ETFA: variants seen among roughly 807,000 people sequenced by gnomAD.
ETFA encodes the protein electron transfer flavoprotein subunit alpha.
In ETFA, 22 loss-of-function variants were observed where a neutral mutation model predicts 46.2. That is an observed-to-expected ratio of 0.48 (90% CI 0.34 to 0.68). The LOEUF (loss-of-function observed/expected upper bound fraction) is 0.68. Among genes scored for constraint, ETFA ranks in the 30% least tolerant of loss-of-function variants. The pLI is 0.01. For synonymous variants in ETFA, 131 were observed against 139.9 expected (o/e 0.94, Z 0.45); for missense variants, 345 against 401.1 (o/e 0.86, Z 1.19).
chr15:76,305,533 T>C (rs1222777851), intron 1 of ETFA, among the ~76,000 whole-genome samples: 1 of 152,224 alleles, frequency 6.6e-6, no homozygotes, highest in Non-Finnish European at 1.5e-5. Flanking sequence ...TAGACTTGGT[T>C]GCAAATAGCA....
intron 8 of ETFA, among the ~76,000 whole-genome samples, chr15:76,277,857 C>T (rs192594737): frequency 1.6e-4 from 25 of 152,246 alleles, no homozygotes; most frequent in Admixed American, 1.5e-3. Context: ...GACTTCAAGT[C>T]CCCCTACCCC....
chr15:76,284,423 G>A (rs1260221076), intron 7 of ETFA: 3 of 195,240 alleles, frequency 1.5e-5, no homozygotes, highest in Non-Finnish European at 3.1e-5. Context: ...TCAGGATTTC[G>A]AGACCAGCCT....
chr15:76,277,504 CA>C (rs56030685), intron 8 of ETFA, among the ~76,000 whole-genome samples: 62,160 of 149,394 alleles, frequency 0.42, 14,728 homozygotes, highest in Middle Eastern at 0.56. Flanking sequence ...AAAACAAAAA[CA>C]AAAAAAAAAA....
intron 10 of ETFA, chr15:76,227,728 G>A (rs2039018444): frequency 2.3e-6 from 1 of 440,474 alleles, no homozygotes; most frequent in African/African-American, 2.0e-5. Context: ...ATTGTATGTT[G>A]TGAAAACAGC....
chr15:76,265,880 G>C (rs750974104), intron 9 of ETFA, among the ~76,000 whole-genome samples: 4 of 152,172 alleles, frequency 2.6e-5, no homozygotes, highest in Non-Finnish European at 4.4e-5. Context: ...GACTGGATTG[G>C]AGTATCATTT....
chr15:76,249,099 A>AAT (rs1041327069), intron 9 of ETFA, among the ~76,000 whole-genome samples: 12 of 151,888 alleles, frequency 7.9e-5, no homozygotes, highest in African/African-American at 2.4e-4. Flanking sequence ...ATTGTGCTAA[A>AAT]ATATATATAA....
chr15:76,307,069 C>A (rs1326421811), intron 1 of ETFA, among the ~76,000 whole-genome samples: 1 of 152,170 alleles, frequency 6.6e-6, no homozygotes, highest in African/African-American at 2.4e-5. Flanking sequence ...TATTCCTTCC[C>A]ACCTGACAAT....
At chr15:76,272,170 A>G (rs1402985322) in intron 9 of ETFA, among the ~76,000 whole-genome samples, 1 of 151,682 alleles carries the variant, frequency 6.6e-6, no homozygotes, top group Non-Finnish European at 1.5e-5. Context: ...ACTCTCTGTC[A>G]GTCAAAATAA....
chr15:76,234,825 CACAA>C (rs769650964), intron 9 of ETFA, among the ~76,000 whole-genome samples: 5 of 152,174 alleles, frequency 3.3e-5, no homozygotes, highest in Admixed American at 1.3e-4. Flanking sequence ...TTAACCTTAA[CACAA>C]ACAAGTACTG....
intron 9 of ETFA, among the ~76,000 whole-genome samples, chr15:76,233,322 A>AG (rs2039088759): frequency 8.0e-6 from 1 of 125,364 alleles, no homozygotes; most frequent in Non-Finnish European, 1.7e-5. Context: ...GTAATTCAAT[A>AG]GGCTTTTTTT....
intron 1 of ETFA, 48 bp from the exon 2 acceptor site, chr15:76,295,785 GGTTTT>G: frequency 7.0e-7 from 1 of 1,423,482 alleles, no homozygotes; most frequent in Non-Finnish European, 9.5e-7. Context: ...GTTGTCACAG[GGTTTT>G]TTTTTTTTTT....
chr15:76,275,889 C>T (rs979540105), intron 8 of ETFA, among the ~76,000 whole-genome samples: 1 of 152,164 alleles, frequency 6.6e-6, no homozygotes, highest in African/African-American at 2.4e-5. Flanking sequence ...TTCCTATCTC[C>T]TGTTTCTTAC....
intron 10 of ETFA, chr15:76,230,273 C>T (rs1269598541): frequency 3.7e-5 from 2 of 54,122 alleles, no homozygotes; most frequent in Non-Finnish European, 7.5e-5. Flanking sequence ...GTCGCCCAGG[C>T]TGGAGTGCAG....
At chr15:76,234,830 A>G (rs911993619) in intron 9 of ETFA, among the ~76,000 whole-genome samples, 3 of 152,180 alleles carry the variant, frequency 2.0e-5, no homozygotes, top group African/African-American at 7.2e-5. Flanking sequence ...CTTAACACAA[A>G]CAAGTACTGG....
intron 9 of ETFA, among the ~76,000 whole-genome samples, chr15:76,264,047 G>A (rs757575935): frequency 5.9e-5 from 9 of 152,178 alleles, no homozygotes; most frequent in Non-Finnish European, 1.2e-4. Flanking sequence ...AGCTAGAGCT[G>A]AGGGAGACCT....
Position 76,225,862 on chromosome 15 carries a change from G to A in ETFA, c.950C>T (p.Ala317Val). ...IFQVADYGIV[A>V]DLFKVVPEMT... Reference sequence around the variant, plus strand: ...AGGCCAGCTTACCTTAAATAAATCTGCAACTATTCCATAATCTGCCACTTG... The same window carrying A: ...AGGCCAGCTTACCTTAAATAAATCTACAACTATTCCATAATCTGCCACTTG... Residue 317 changes from alanine (A) to valine (V), a missense_variant, in exon 11 of 12, where the codon GCA becomes GTA. By Grantham distance (64) the Ala-to-Val change is moderately conservative (BLOSUM62 0). Coordinates refer to ENST00000557943, the MANE Select transcript of ETFA (RefSeq NM_000126.4). 6.2e-7 allele frequency: 1 copy of A among 1,605,036 alleles called. No homozygotes were observed. The highest frequency in any genetic ancestry group is 1.1e-5 in the South Asian group (1 of 90,922).
At chr15:76,260,909 T>C (rs1315350735) in intron 9 of ETFA, 13 of 1,611,816 alleles carry the variant, frequency 8.1e-6, no homozygotes, top group Non-Finnish European at 1.0e-5. Context: ...CCCAGCCTCC[T>C]GGGGCCTGTG....
chr15:76,292,583 T>TTGAG (rs1213794942), intron 3 of ETFA, 36 bp downstream of exon 3: 17 of 1,588,040 alleles, frequency 1.1e-5, no homozygotes, highest in Non-Finnish European at 1.5e-5. Context: ...CAAGCGTAAT[T>TTGAG]TAGACACTAC....
chr15:76,301,245 TGCCTTCATTAC>T (rs1294549945), intron 1 of ETFA, among the ~76,000 whole-genome samples: 1 of 152,218 alleles, frequency 6.6e-6, no homozygotes, highest in Non-Finnish European at 1.5e-5. Flanking sequence ...ACCTTGTAAT[TGCCTTCATTAC>T]AGCACTTATC....
Sources: gnomAD v4.1 joint callset for allele counts (sites outside exome capture counted in the v4.1 genomes callset) on GRCh38, gnomAD v4.1.1 for gene constraint, MANE v1.5 for transcripts, NCBI Gene and HGNC (gene_info 2026-07-23, HGNC 2026-07-21) for gene names.